Variants in FSHR observed in about 807,000 individuals in gnomAD.
FSHR encodes the protein follicle-stimulating hormone receptor.
A neutral mutation model predicts 52.1 loss-of-function variants in FSHR; 46 were observed. That is an observed-to-expected ratio of 0.88 (90% confidence interval 0.70 to 1.13). The LOEUF is 1.13. FSHR is among the 50% of genes most tolerant of loss of function. The probability of loss-of-function intolerance (pLI) is 0.00; values close to 1 mark genes in which losing one functional copy is unlikely to be tolerated. For missense variants in FSHR, 964 were observed against 834.6 expected, an observed-to-expected ratio of 1.16 and a Z score of -1.91; for synonymous variants, 399 against 309.6, an observed-to-expected ratio of 1.29 and a Z score of -3.03.
intron 1 of FSHR, among the ~76,000 whole-genome samples, chr2:49,141,149 C>T (rs1362116650): frequency 2.6e-5 from 4 of 152,186 alleles, no homozygotes; most frequent in Non-Finnish European, 4.4e-5. Context: ...AAATTGTCAT[C>T]GCATTTACTT....
intron 1 of FSHR, among the ~76,000 whole-genome samples, chr2:49,142,450 A>G (rs1450627781): frequency 6.6e-6 from 1 of 152,194 alleles, no homozygotes; most frequent in African/African-American, 2.4e-5. Flanking sequence ...GGTGACAGGA[A>G]GAGGTCAAAT....
intron 2 of FSHR, among the ~76,000 whole-genome samples, chr2:49,033,513 G>A (rs141902369): frequency 1.3e-4 from 20 of 152,134 alleles, no homozygotes; most frequent in Non-Finnish European, 2.6e-4. Context: ...AGAGGCCAAC[G>A]CAGGAGGGCT....
At chr2:49,090,701 G>T (rs1486877948) in intron 1 of FSHR, among the ~76,000 whole-genome samples, 2 of 152,168 alleles carry the variant, frequency 1.3e-5, no homozygotes, top group African/African-American at 4.8e-5. Flanking sequence ...TTGTTTTCCA[G>T]AGCAGCTGTA....
intron 2 of FSHR, among the ~76,000 whole-genome samples, chr2:49,061,586 CTA>C (rs1355783923): frequency 7.4e-6 from 1 of 135,668 alleles, no homozygotes; most frequent in Non-Finnish European, 1.5e-5. Flanking sequence ...AGATATATAT[CTA>C]TATATCTAAA....
At chr2:48,974,912 C>G (rs528668838) in intron 8 of FSHR, among the ~76,000 whole-genome samples, 1 of 152,172 alleles carries the variant, frequency 6.6e-6, no homozygotes, top group Non-Finnish European at 1.5e-5. Flanking sequence ...TCTGCATGGC[C>G]TAAAAATCAG....
At chr2:48,984,881 C>G (rs772369962) in intron 6 of FSHR, among the ~76,000 whole-genome samples, 15 of 152,146 alleles carry the variant, frequency 9.9e-5, no homozygotes, top group Non-Finnish European at 2.1e-4. Flanking sequence ...ATCCCTTTGT[C>G]TTTATGGATT....
intron 1 of FSHR, among the ~76,000 whole-genome samples, chr2:49,117,687 A>G (rs1024857858): frequency 6.6e-6 from 1 of 152,226 alleles, no homozygotes; most frequent in Non-Finnish European, 1.5e-5. Context: ...TAAGTATAGC[A>G]GGACCAAGGA....
At chr2:49,149,126 G>T (rs1315519487) in intron 1 of FSHR, among the ~76,000 whole-genome samples, 3 of 151,704 alleles carry the variant, frequency 2.0e-5, no homozygotes, top group Admixed American at 2.0e-4. Flanking sequence ...TGATTAGATG[G>T]GTAACCAGAA....
intron 1 of FSHR, among the ~76,000 whole-genome samples, chr2:49,127,769 CT>C (rs1672068975): frequency 2.7e-5 from 1 of 36,472 alleles, no homozygotes; most frequent in African/African-American, 1.3e-4. Flanking sequence ...TCTTCTTCTT[CT>C]TCTTCTTCTT....
chr2:49,054,405 G>A (rs1006825248), intron 2 of FSHR, among the ~76,000 whole-genome samples: 2 of 151,988 alleles, frequency 1.3e-5, no homozygotes, highest in African/African-American at 4.8e-5. Context: ...GAAGACACAC[G>A]AACCCACATC....
intron 2 of FSHR, among the ~76,000 whole-genome samples, chr2:49,060,207 A>G (rs1314005931): frequency 1.3e-5 from 2 of 152,204 alleles, no homozygotes; most frequent in African/African-American, 2.4e-5. Flanking sequence ...GTGAGGATGC[A>G]GAGAAAAAGG....
At chr2:49,030,271 AGT>A (rs141079184) in intron 2 of FSHR, among the ~76,000 whole-genome samples, 65,797 of 139,302 alleles carry the variant, frequency 0.47, 15,830 homozygotes, top group Non-Finnish European at 0.56. Context: ...AGGAATAGCA[AGT>A]GTGTGTGTGT....
intron 1 of FSHR, 128 bp from the exon 2 acceptor site, chr2:49,068,418 T>C (rs1669593445): frequency 3.9e-6 from 3 of 764,296 alleles, no homozygotes; most frequent in African/African-American, 1.7e-5. Context: ...TTGAAATTGC[T>C]TTTACATTCT....
intron 1 of FSHR, among the ~76,000 whole-genome samples, chr2:49,077,821 C>T (rs1293246194): frequency 6.6e-6 from 1 of 152,218 alleles, no homozygotes; most frequent in Non-Finnish European, 1.5e-5. Context: ...TTTGCTAAAA[C>T]ATAACAATAG....
At chr2:48,997,899 T>C (rs886542184) in intron 4 of FSHR, among the ~76,000 whole-genome samples, 1 of 152,108 alleles carries the variant, frequency 6.6e-6, no homozygotes. Flanking sequence ...GCTGAGAACA[T>C]TGGAAGTCAC....
intron 1 of FSHR, among the ~76,000 whole-genome samples, chr2:49,129,381 C>T (rs1030899578): frequency 2.0e-5 from 3 of 152,170 alleles, no homozygotes; most frequent in East Asian, 1.9e-4. Context: ...CTTCCATGTG[C>T]TCAGAACTCT....
intron 1 of FSHR, among the ~76,000 whole-genome samples, chr2:49,136,811 T>C (rs1203941939): frequency 6.6e-6 from 1 of 152,112 alleles, no homozygotes; most frequent in Non-Finnish European, 1.5e-5. Flanking sequence ...TGACAAAACC[T>C]AACACCTTTT....
intron 1 of FSHR, among the ~76,000 whole-genome samples, chr2:49,135,802 C>G (rs1672469300): frequency 6.6e-6 from 1 of 151,978 alleles, no homozygotes; most frequent in Admixed American, 6.6e-5. Context: ...ATAAAGTAAG[C>G]TAGAGAAAAT....
chr2:49,017,402 C>A (rs967494598), intron 4 of FSHR, 87 bp downstream of exon 4: 54 of 982,088 alleles, frequency 5.5e-5, no homozygotes, highest in East Asian at 4.5e-4. Flanking sequence ...AAAGTAATTG[C>A]TCCCCAGAGT....
Sources: allele counts gnomAD v4.1 joint callset (sites outside exome capture counted in the v4.1 genomes callset), GRCh38; gene constraint gnomAD v4.1.1; transcripts MANE v1.5; gene names NCBI Gene and HGNC (gene_info 2026-07-23, HGNC 2026-07-21).